The following NIN variants were observed in gnomAD, a reference collection of about 807,000 sequenced individuals.
The protein encoded by NIN is glycogen synthase kinase 3 beta-interacting protein.
In NIN, 137 loss-of-function variants were observed where a neutral mutation model predicts 257.6. The observed-to-expected ratio is 0.53, with a 90% CI of 0.46 to 0.61. The LOEUF (loss-of-function observed/expected upper bound fraction) is 0.61. Ranked by LOEUF, NIN falls within the 20% of genes least tolerant of loss-of-function variation. The pLI is 0.00. For missense variants in NIN, 2,439 were observed against 2,501.2 expected (o/e 0.98, Z 0.53); for synonymous variants, 918 against 919.8 (o/e 1.00, Z 0.04).
chr14:50,799,344 G>A (rs146519050), intron 4 of NIN, among the ~76,000 whole-genome samples: 2 of 152,270 alleles, frequency 1.3e-5, no homozygotes, highest in African/African-American at 2.4e-5. Context: ...TCCTTCCACC[G>A]GGACTCCTGT....
chr14:50,774,877 C>T (rs1050752023), intron 7 of NIN, among the ~76,000 whole-genome samples: 15 of 151,670 alleles, frequency 9.9e-5, no homozygotes, highest in South Asian at 2.1e-4. Context: ...AAAACAATGC[C>T]GGTTAAATGG....
intron 10 of NIN, 100 bp from the exon 11 acceptor site, chr14:50,771,092 C>T: frequency 1.4e-6 from 2 of 1,408,050 alleles, no homozygotes; most frequent in Non-Finnish European, 1.9e-6. Flanking sequence ...AGAAGCAAAA[C>T]CAAGACAACC....
At chr14:50,773,531 T>A (rs909026770) in intron 7 of NIN, among the ~76,000 whole-genome samples, 1 of 152,224 alleles carries the variant, frequency 6.6e-6, no homozygotes, top group African/African-American at 2.4e-5. Context: ...TTATGTTGAA[T>A]TTTTGAAATT....
chr14:50,811,795 C>A (rs567828174), intron 3 of NIN, among the ~76,000 whole-genome samples: 94 of 152,016 alleles, frequency 6.2e-4, no homozygotes, highest in African/African-American at 2.1e-3. Flanking sequence ...GAGATCGAGA[C>A]CATCCTGGCT....
intron 21 of NIN, 117 bp downstream of exon 21, chr14:50,752,401 C>T (rs2041825499): frequency 1.2e-5 from 9 of 747,960 alleles, no homozygotes; most frequent in Non-Finnish European, 2.0e-5. Context: ...TATTCATGTG[C>T]CAGGACCATA....
Position 50,730,703 on chromosome 14 carries a change from C to T in NIN, c.5878-980G>A, listed in dbSNP as rs114898599. Among the ~76,000 whole-genome samples, 1,219 of 152,162 alleles carry T rather than the reference C, an allele frequency of 8.0e-3. 18 individuals carry two copies. Among genetic ancestry groups the T allele is most frequent in the African/African-American group, 0.027 (1,132 of 41,492 alleles). On this transcript the variant is annotated intron_variant, in intron 28 of 30. Transcript: ENST00000530997. ...TGATAAAAATTATGGAGAATTATCC[C>T]ATAATTTTATATCAGTGGGATAATT... is the stretch of plus-strand genomic sequence containing the variant.
At chr14:50,750,874 A>G (rs1438149912) in intron 21 of NIN, among the ~76,000 whole-genome samples, 1 of 152,142 alleles carries the variant, frequency 6.6e-6, no homozygotes, top group Non-Finnish European at 1.5e-5. Flanking sequence ...CGTCCCTTCT[A>G]GCGCATTCTC....
intron 28 of NIN, among the ~76,000 whole-genome samples, chr14:50,734,199 C>T (rs2040863070): frequency 6.6e-6 from 1 of 151,622 alleles, no homozygotes; most frequent in Non-Finnish European, 1.5e-5. Context: ...AAGCAGTTCT[C>T]CTGCCTCAGC....
chr14:50,738,144 C>A lies in NIN; in HGVS notation c.5771G>T (p.Arg1924Met). 6.2e-7 allele frequency: 1 copy of A among 1,613,944 alleles called. No individual in the cohort carries two copies. The highest frequency in any genetic ancestry group is 8.5e-7 in the Non-Finnish European group (1 of 1,179,960). ...CATATATTCTCAAAAACTCACCTTC[C>A]TGTTAGCAGGAGATTGTTCTTTCTG... ...QFQKEQSPAN[R>M]KVSQMNSLEQ... Residue 1924 changes from arginine to methionine, a missense_variant, in exon 27 of 31, where the codon AGG becomes ATG. This residue lies in a region of NIN where 2,043 missense variants were observed against 2,050.2 expected (regional missense o/e 1.00). Transcript: ENST00000530997.
In NIN at chr14:50,806,743, C is replaced by T. The variant is rs745467220; in HGVS notation, c.259G>A (p.Glu87Lys). 22 of 1,574,048 alleles carry T rather than the reference C, an allele frequency of 1.4e-5. No homozygotes were observed. The East Asian group carries it at 5.0e-4, about 35-fold the overall frequency. Residue 87 changes from glutamate to lysine, a missense_variant, in exon 4 of 31, where the codon GAA becomes AAA. Around this residue, in one of 3 missense-constraint regions of NIN, gnomAD observed 387 missense variants for 427.3 expected, o/e 0.91. Transcript: ENST00000530997. ...RTLSNEEHFQ[E>K]PDCSLEAQPK... ...GAGAAGTGAGTGACCTTACCTGGTT[C>T]TTGAAAGTGTTCTTCATTTGACAGA...
At chr14:50,750,291 T>G (rs1364246625) in intron 21 of NIN, among the ~76,000 whole-genome samples, 2 of 152,192 alleles carry the variant, frequency 1.3e-5, no homozygotes, top group African/African-American at 4.8e-5. Context: ...TATACACATC[T>G]GTGTTTCTGT....
At chr14:50,804,610 A>T (rs1023055241) in intron 4 of NIN, among the ~76,000 whole-genome samples, 1 of 152,220 alleles carries the variant, frequency 6.6e-6, no homozygotes, top group Non-Finnish European at 1.5e-5. Flanking sequence ...TGAGGCAGAC[A>T]CATAACTATG....
At chr14:50,773,766 G>T (rs575634638) in intron 7 of NIN, among the ~76,000 whole-genome samples, 1 of 152,194 alleles carries the variant, frequency 6.6e-6, no homozygotes, top group South Asian at 2.1e-4. Context: ...GTTTTGACTG[G>T]CTAGTCCGCA....
In NIN at chr14:50,794,454, G is replaced by A; in HGVS notation, c.266-1573C>T. Reference sequence around the variant, plus strand: ...AAGGTACCTTTTATCAGAAGACAGTGTGTCAGCTTGTGACCATTCAGGAGC... The same window carrying A: ...AAGGTACCTTTTATCAGAAGACAGTATGTCAGCTTGTGACCATTCAGGAGC... On this transcript the variant is annotated intron_variant, in intron 4 of 30. Transcript: ENST00000530997. The A allele has an allele frequency of 3.0e-6, 3 of 995,078 alleles. No homozygotes were observed. In the South Asian group the frequency reaches 1.4e-4, roughly 47 times the overall value. 61.6% of individuals were successfully genotyped at this position (995,078 alleles called of 1,614,324 possible).
At position 50,723,632 on chromosome 14, in the gene NIN, A is replaced by T; in HGVS notation, c.6233T>A (p.Leu2078Ter). 6.2e-7 allele frequency: 1 copy of T among 1,613,868 alleles called. No individual in the cohort carries two copies. The highest frequency in any genetic ancestry group is 8.5e-7 in the Non-Finnish European group (1 of 1,179,800). ...NTKADAMVKD[L>*]YVENAQLLKA... is the part of the protein sequence containing the mutation. ...CAACAACTGGGCATTTTCAACATAC[A>T]AGTCCTTCACCATTGCGTCTGCCTT... The change falls in exon 31 of 31, where the codon TTG (leucine) becomes TAG (stop). Residue 2078 changes from leucine to a stop codon, truncating the protein, a stop_gained. Coordinates refer to ENST00000530997, the MANE Select transcript of NIN (RefSeq NM_020921.4). LOFTEE classifies it high-confidence loss of function.
intron 28 of NIN, 39 bp downstream of exon 28, chr14:50,735,477 A>G: frequency 6.2e-7 from 1 of 1,604,260 alleles, no homozygotes; most frequent in South Asian, 1.1e-5. Context: ...ATGGATTAAC[A>G]TATTCTTCAT....
chr14:50,744,171 C>G, intron 23 of NIN, 72 bp downstream of exon 23: 1 of 1,523,742 alleles, frequency 6.6e-7, no homozygotes, highest in Non-Finnish European at 9.0e-7. Context: ...CCCTGTGCCA[C>G]TGTCCACAGA....
At position 50,777,032 on chromosome 14, in the gene NIN, C is replaced by T; in HGVS notation, c.583G>A (p.Gly195Arg). ...TTCAGGTGACCATCACGGGTGATCC[C>T]CAAATCTTCACAAACTTCTTGCAGT... ...EKLQEVCEDL[G>R]ITRDGHLNRK... The change falls in exon 7 of 31, where the codon GGG (glycine) becomes AGG (arginine). Residue 195 changes from glycine to arginine, a missense_variant. Physicochemically the swap from Gly to Arg is moderately radical, Grantham distance 125 (BLOSUM62 -2). Coordinates refer to ENST00000530997, the MANE Select transcript of NIN (RefSeq NM_020921.4). The T allele has an allele frequency of 6.2e-7, 1 of 1,614,226 alleles. No individual in the cohort carries two copies. The highest frequency in any genetic ancestry group is 1.1e-5 in the South Asian group (1 of 91,088).
intron 2 of NIN, among the ~76,000 whole-genome samples, chr14:50,826,455 T>A (rs1359630457): frequency 6.6e-6 from 1 of 152,236 alleles, no homozygotes; most frequent in African/African-American, 2.4e-5. Context: ...AGCATTTTCC[T>A]TCCAAATAAC....
Sources: gnomAD v4.1 joint callset for allele counts (sites outside exome capture counted in the v4.1 genomes callset) on GRCh38, gnomAD v4.1.1 for gene constraint, gnomAD v4.1.1 regional missense constraint, MANE v1.5 for transcripts, NCBI Gene and HGNC (gene_info 2026-07-23, HGNC 2026-07-21) for gene names.